LCORL: variants seen among roughly 807,000 people sequenced by gnomAD.
The protein encoded by LCORL is ligand dependent nuclear receptor corepressor like, also known as ligand-dependent nuclear receptor corepressor-like protein.
Under a neutral mutation model 141.8 loss-of-function variants are expected in LCORL, and 41 were observed. The observed-to-expected ratio is 0.29, with a 90% CI of 0.23 to 0.38. The LOEUF is 0.38. Among genes scored for constraint, LCORL ranks in the 10% least tolerant of loss-of-function variants. The pLI is 1.00. For missense variants in LCORL, 1,759 were observed against 2,035.0 expected, an observed-to-expected ratio of 0.86 and a Z score of 2.61; for synonymous variants, 618 against 694.1, an observed-to-expected ratio of 0.89 and a Z score of 1.72.
intron 1 of LCORL, among the ~76,000 whole-genome samples, chr4:17,994,612 C>T (rs1720595707): frequency 6.6e-6 from 1 of 152,128 alleles, no homozygotes; most frequent in South Asian, 2.1e-4. Flanking sequence ...GAACACTGAT[C>T]ACAACTCTAC....
intron 1 of LCORL, among the ~76,000 whole-genome samples, chr4:18,002,053 T>C (rs1304037500): frequency 1.3e-5 from 2 of 151,964 alleles, no homozygotes; most frequent in African/African-American, 4.8e-5. Context: ...AAGACATAAG[T>C]ACCAAATTAT....
At position 17,966,503 on chromosome 4, in the gene LCORL, T is replaced by C. The variant is rs186263787; in HGVS notation, c.221-3454A>G. On this transcript the variant is annotated intron_variant, in intron 2 of 7. Coordinates refer to ENST00000635767, the Ensembl canonical transcript of LCORL. ...GCCCTGTATCTATTAAAGAAATTAATAATTAAAAACCTTCTGAAACAGAAA... is the reference window on the plus strand; with the variant it reads ...GCCCTGTATCTATTAAAGAAATTAACAATTAAAAACCTTCTGAAACAGAAA... Among the ~76,000 whole-genome samples, 9 of 152,160 alleles carry C rather than the reference T, an allele frequency of 5.9e-5. No individual in the cohort carries two copies. In the East Asian group the frequency reaches 1.7e-3, roughly 29 times the overall value.
chr4:17,855,626 G>T (rs1162085116), intron 7 of LCORL, among the ~76,000 whole-genome samples: 1 of 152,078 alleles, frequency 6.6e-6, no homozygotes, highest in African/African-American at 2.4e-5. Flanking sequence ...ATTTGCTCTG[G>T]CCAACAGGAT....
chr4:17,982,792 G>C (rs1718249676), intron 1 of LCORL, among the ~76,000 whole-genome samples: 1 of 151,996 alleles, frequency 6.6e-6, no homozygotes, highest in Non-Finnish European at 1.5e-5. Flanking sequence ...GCCAATTTTT[G>C]TTTTCATTGC....
chr4:17,948,175 G>T (rs1405385000), intron 4 of LCORL, among the ~76,000 whole-genome samples: 1 of 151,932 alleles, frequency 6.6e-6, no homozygotes, highest in Admixed American at 6.6e-5. Flanking sequence ...TAAAAAAATA[G>T]TATTTTAAGT....
At chr4:17,909,140 G>C (rs753281104) in exon 5 of LCORL, 1 of 1,612,928 alleles carries the variant, frequency 6.2e-7, no homozygotes, top group Non-Finnish European at 8.5e-7. Flanking sequence ...TGAGGTCTAA[G>C]GGGCCTTCCT....
chr4:17,908,224 G>A (rs893504590), intron 5 of LCORL, among the ~76,000 whole-genome samples: 9 of 151,446 alleles, frequency 5.9e-5, no homozygotes, highest in African/African-American at 2.2e-4. Context: ...TAGAGATGGG[G>A]TTTCTCCATG....
chr4:17,928,134 T>C (rs1447321703), intron 4 of LCORL, among the ~76,000 whole-genome samples: 1 of 152,182 alleles, frequency 6.6e-6, no homozygotes, highest in Non-Finnish European at 1.5e-5. Flanking sequence ...TGGCTGGGCA[T>C]AGTAGCTCAA....
chr4:17,868,209 C>A (rs561325173), intron 7 of LCORL, among the ~76,000 whole-genome samples: 2 of 152,254 alleles, frequency 1.3e-5, no homozygotes, highest in East Asian at 3.9e-4. Context: ...AGTTAAAAAT[C>A]AGCCATCAGT....
At chr4:17,841,757 T>C (rs1722427609) in exon 8 of LCORL, 1 of 152,100 alleles carries the variant, frequency 6.6e-6, no homozygotes. Flanking sequence ...TAGAATCTTA[T>C]AATCCCCAGT....
intron 7 of LCORL, among the ~76,000 whole-genome samples, chr4:17,870,270 T>C (rs1726185358): frequency 6.6e-6 from 1 of 152,018 alleles, no homozygotes; most frequent in South Asian, 2.1e-4. Context: ...TTGGCTAATT[T>C]TGTTTGTTTG....
At chr4:17,878,607 G>C (rs1280373432) in intron 6 of LCORL, among the ~76,000 whole-genome samples, 1 of 150,992 alleles carries the variant, frequency 6.6e-6, no homozygotes, top group Non-Finnish European at 1.5e-5. Flanking sequence ...GTGCAAATAA[G>C]GAAAATAAAA....
Position 17,851,244 on chromosome 4 carries a change from G to A in LCORL, c.5603-5343C>T, listed in dbSNP as rs1324872711. Among the ~76,000 whole-genome samples, 4 of 151,764 alleles carry A rather than the reference G, an allele frequency of 2.6e-5. No individual in the cohort carries two copies. In the South Asian group the frequency reaches 8.3e-4, roughly 32 times the overall value. ...GTATACATATGTAAGAAACCTGCAT[G>A]TTGTGCACATGTACCCTAAAACTTA... is the stretch of plus-strand genomic sequence containing the variant. On this transcript the variant is annotated intron_variant, in intron 7 of 7. Coordinates refer to ENST00000635767, the Ensembl canonical transcript of LCORL.
At chr4:17,956,309 A>G (rs1404463143) in intron 4 of LCORL, among the ~76,000 whole-genome samples, 1 of 152,156 alleles carries the variant, frequency 6.6e-6, no homozygotes, top group Admixed American at 6.5e-5. Context: ...ACTACTGGGT[A>G]TCTACCCAAA....
chr4:17,990,642 GTTTTTT>G (rs979642708), intron 1 of LCORL, among the ~76,000 whole-genome samples: 1 of 131,352 alleles, frequency 7.6e-6, no homozygotes, highest in Non-Finnish European at 1.6e-5. Flanking sequence ...TCCCATCTTG[GTTTTTT>G]TTTTTTTTTT....
exon 5 of LCORL, chr4:17,909,318 A>G (rs1454295508): frequency 6.2e-7 from 1 of 1,608,944 alleles, no homozygotes; most frequent in Admixed American, 1.7e-5. Flanking sequence ...AACTAGGGGA[A>G]TGTTAGGATC....
chr4:18,013,893 C>T (rs962632592), intron 1 of LCORL, among the ~76,000 whole-genome samples: 4 of 151,890 alleles, frequency 2.6e-5, no homozygotes, highest in South Asian at 2.1e-4. Flanking sequence ...CTGCAACCTC[C>T]GCCTCCCGGG....
chr4:17,948,538 T>C (rs1233327284), intron 4 of LCORL, among the ~76,000 whole-genome samples: 1 of 152,032 alleles, frequency 6.6e-6, no homozygotes, highest in African/African-American at 2.4e-5. Context: ...TTGTGGGTTG[T>C]ATCTGGAAGT....
At chr4:17,906,603 G>A (rs1048722370) in intron 5 of LCORL, among the ~76,000 whole-genome samples, 2 of 151,554 alleles carry the variant, frequency 1.3e-5, no homozygotes, top group African/African-American at 4.9e-5. Flanking sequence ...TACATGACTT[G>A]TGTTCTACAT....
Sources: allele counts gnomAD v4.1 joint callset (sites outside exome capture counted in the v4.1 genomes callset), GRCh38; gene constraint gnomAD v4.1.1; transcripts MANE v1.5; gene names NCBI Gene and HGNC (gene_info 2026-07-23, HGNC 2026-07-21).